The following CCDC178 variants were observed in gnomAD, a reference collection of about 807,000 sequenced individuals.
CCDC178 encodes coiled-coil domain containing 178, also known as coiled-coil domain-containing protein 178.
A neutral mutation model predicts 117.4 loss-of-function variants in CCDC178; 126 were observed. That is an observed-to-expected ratio of 1.07 (90% CI 0.93 to 1.24). CCDC178 has a LOEUF of 1.24. CCDC178 is among the 50% of genes most tolerant of loss of function. The probability of loss-of-function intolerance (pLI) is 0.00; values close to 1 mark genes in which losing one functional copy is unlikely to be tolerated. For synonymous variants in CCDC178, 283 were observed against 313.4 expected, an observed-to-expected ratio of 0.90 and a Z score of 1.02; for missense variants, 1,030 against 986.9, an observed-to-expected ratio of 1.04 and a Z score of -0.59.
chr18:33,436,482 A>G (rs1392593872), intron 2 of CCDC178, among the ~76,000 whole-genome samples: 1 of 152,172 alleles, frequency 6.6e-6, no homozygotes, highest in Non-Finnish European at 1.5e-5. Context: ...TTAATGGGGA[A>G]AAGACTTGAA....
intron 12 of CCDC178, among the ~76,000 whole-genome samples, chr18:33,267,553 GA>G (rs907999354): frequency 6.6e-6 from 1 of 151,186 alleles, no homozygotes; most frequent in African/African-American, 2.4e-5. Context: ...ACTAGTACAA[GA>G]AAAAAATGAT....
chr18:33,080,267 C>T (rs866217930), intron 21 of CCDC178, among the ~76,000 whole-genome samples: 1 of 152,152 alleles, frequency 6.6e-6, no homozygotes, highest in African/African-American at 2.4e-5. Flanking sequence ...ACACTGGAGC[C>T]TATTTGAGGG....
intron 15 of CCDC178, among the ~76,000 whole-genome samples, chr18:33,236,355 T>A (rs924919343): frequency 1.3e-5 from 2 of 152,170 alleles, no homozygotes; most frequent in African/African-American, 4.8e-5. Flanking sequence ...ACCTGAATTA[T>A]CTAAGGAAAA....
At chr18:32,978,670 C>T (rs567149749) in intron 21 of CCDC178, among the ~76,000 whole-genome samples, 1 of 152,244 alleles carries the variant, frequency 6.6e-6, no homozygotes, top group East Asian at 1.9e-4. Context: ...GAAATCAATA[C>T]CCCTTTTTAA....
chr18:33,431,061 C>G lies in CCDC178; in HGVS notation c.-23+8901G>C, dbSNP rs1327122816. Among the ~76,000 whole-genome samples, 5 of 132,684 alleles carry G rather than the reference C, an allele frequency of 3.8e-5. No individual in the cohort carries two copies. The East Asian group carries it at 8.8e-4, about 23-fold the overall frequency. 87.0% of individuals were successfully genotyped at this position (132,684 alleles called of 152,430 possible). A position where few individuals can be genotyped will look rare whatever the true frequency, so the allele number is the denominator to read the frequency against. On this transcript the variant is annotated intron_variant, in intron 2 of 22. Coordinates refer to ENST00000383096, the MANE Select transcript of CCDC178 (RefSeq NM_001105528.4). ...CTGCACTCCAGCCTGGGCAACCGTG[C>G]GAGACTACGTCTCAAAAAAAAAAAA...
At chr18:33,003,013 A>G (rs1395258265) in intron 21 of CCDC178, among the ~76,000 whole-genome samples, 1 of 152,130 alleles carries the variant, frequency 6.6e-6, no homozygotes, top group Non-Finnish European at 1.5e-5. Context: ...AAAAGCAAAT[A>G]GTGAGATTGA....
intron 2 of CCDC178, among the ~76,000 whole-genome samples, chr18:33,414,598 TAGA>T (rs2063906737): frequency 6.6e-6 from 1 of 152,132 alleles, no homozygotes; most frequent in Non-Finnish European, 1.5e-5. Context: ...ATAAAAACCC[TAGA>T]AGAAAACTTA....
intron 2 of CCDC178, among the ~76,000 whole-genome samples, chr18:33,431,457 T>G (rs561427323): frequency 6.6e-6 from 1 of 152,310 alleles, no homozygotes; most frequent in South Asian, 2.1e-4. Context: ...GATACCACTA[T>G]CATACTTTTT....
intron 20 of CCDC178, among the ~76,000 whole-genome samples, chr18:33,106,847 A>T (rs1400779383): frequency 5.9e-5 from 9 of 151,720 alleles, no homozygotes; most frequent in Admixed American, 2.0e-4. Flanking sequence ...ATGGGAATTG[A>T]GATCCGTCAT....
At chr18:33,295,128 T>C (rs1599119772) in intron 11 of CCDC178, among the ~76,000 whole-genome samples, 1 of 152,098 alleles carries the variant, frequency 6.6e-6, no homozygotes, top group Non-Finnish European at 1.5e-5. Context: ...AATAGATAAA[T>C]AGAATGGTCA....
At chr18:33,271,607 C>G (rs945794463) in intron 12 of CCDC178, among the ~76,000 whole-genome samples, 1 of 151,370 alleles carries the variant, frequency 6.6e-6, no homozygotes, top group African/African-American at 2.4e-5. Context: ...AACAACAAAG[C>G]TTCAAGATAC....
chr18:33,333,766 C>T (rs560854716), intron 9 of CCDC178, among the ~76,000 whole-genome samples: 2 of 152,034 alleles, frequency 1.3e-5, no homozygotes, highest in African/African-American at 4.8e-5. Context: ...CCTGCCTCGG[C>T]GTCCCAAAGT....
At chr18:33,243,095 T>C (rs536586282) in intron 15 of CCDC178, among the ~76,000 whole-genome samples, 1 of 152,096 alleles carries the variant, frequency 6.6e-6, no homozygotes, top group South Asian at 2.1e-4. Context: ...TCCTATCATT[T>C]GCAGAAACAT....
chr18:33,283,416 A>T (rs1175401360), intron 12 of CCDC178, among the ~76,000 whole-genome samples: 1 of 152,232 alleles, frequency 6.6e-6, no homozygotes, highest in East Asian at 1.9e-4. Context: ...AAAAATTGAC[A>T]AATAGAACCT....
chr18:33,223,826 G>A (rs886119797), intron 17 of CCDC178, among the ~76,000 whole-genome samples: 1 of 152,170 alleles, frequency 6.6e-6, no homozygotes, highest in African/African-American at 2.4e-5. Context: ...TATCCCACTA[G>A]ATGTTTGTAC....
At chr18:33,199,542 T>C (rs1387564890) in intron 20 of CCDC178, among the ~76,000 whole-genome samples, 1 of 152,192 alleles carries the variant, frequency 6.6e-6, no homozygotes, top group African/African-American at 2.4e-5. Context: ...CCATTAACCA[T>C]TCATACCCAT....
chr18:33,052,265 T>G, intron 21 of CCDC178, among the ~76,000 whole-genome samples: 1 of 152,238 alleles, frequency 6.6e-6, no homozygotes, highest in East Asian at 1.9e-4. Flanking sequence ...TTGCTTATTC[T>G]ATGAATTTAA....
At chr18:33,110,668 T>C (rs2057768704) in intron 20 of CCDC178, among the ~76,000 whole-genome samples, 1 of 151,684 alleles carries the variant, frequency 6.6e-6, no homozygotes, top group Admixed American at 6.6e-5. Flanking sequence ...TACTATGTAG[T>C]ACATCTTTTT....
intron 21 of CCDC178, among the ~76,000 whole-genome samples, chr18:33,085,520 G>A (rs1162858795): frequency 2.0e-5 from 3 of 152,182 alleles, no homozygotes; most frequent in Non-Finnish European, 1.5e-5. Flanking sequence ...CCGAGATCGC[G>A]CCACTGCACT....
Sources: gnomAD v4.1 joint callset for allele counts (sites outside exome capture counted in the v4.1 genomes callset) on GRCh38, gnomAD v4.1.1 for gene constraint, MANE v1.5 for transcripts, NCBI Gene and HGNC (gene_info 2026-07-23, HGNC 2026-07-21) for gene names.